Variants in CCDC178 observed in about 807,000 individuals in gnomAD.
The protein encoded by CCDC178 is coiled-coil domain-containing protein 178.
Under a neutral mutation model 117.4 loss-of-function variants are expected in CCDC178, and 126 were observed. The observed-to-expected ratio is 1.07, with a 90% CI of 0.93 to 1.24. The LOEUF (loss-of-function observed/expected upper bound fraction) is 1.24, where lower values mean the gene tolerates loss of function less well. Ranked by LOEUF, CCDC178 falls within the 50% of genes most tolerant of loss-of-function variation. CCDC178 has a pLI of 0.00. For synonymous variants in CCDC178, 283 were observed against 313.4 expected (o/e 0.90, Z 1.02); for missense variants, 1,030 against 986.9 (o/e 1.04, Z -0.59).
intron 20 of CCDC178, among the ~76,000 whole-genome samples, chr18:33,128,753 A>G (rs908393189): frequency 2.0e-5 from 3 of 152,226 alleles, no homozygotes; most frequent in African/African-American, 7.2e-5. Context: ...TCAGTGACTA[A>G]CATTTTACCC....
chr18:33,133,287 ATAT>A (rs1441088609), intron 20 of CCDC178, among the ~76,000 whole-genome samples: 3 of 151,890 alleles, frequency 2.0e-5, no homozygotes, highest in Admixed American at 6.6e-5. Flanking sequence ...AATATAAAGA[ATAT>A]TATTAATCTT....
chr18:32,938,406 A>G (rs1450972303), intron 22 of CCDC178: 1 of 208,342 alleles, frequency 4.8e-6, no homozygotes, highest in Non-Finnish European at 9.5e-6. Context: ...ATTTTAGGCA[A>G]ATTTGTCACA....
chr18:33,225,888 G>A (rs897722428), intron 16 of CCDC178, among the ~76,000 whole-genome samples: 2 of 152,048 alleles, frequency 1.3e-5, no homozygotes, highest in African/African-American at 2.4e-5. Flanking sequence ...AGGGCCGGGC[G>A]TGGTGGCTCA....
At position 32,953,234 on chromosome 18, in the gene CCDC178, G is replaced by A. The variant is rs181446225; in HGVS notation, c.2524-15143C>T. On this transcript the variant is annotated intron_variant, in intron 22 of 22. Coordinates refer to ENST00000383096, the MANE Select transcript of CCDC178 (RefSeq NM_001105528.4). ...CTCTTTGCTAACGCATAACAAGAGC[G>A]ACCTTTGCACTAGTTCCTAACAAGT... Among the ~76,000 whole-genome samples, 510 of 152,300 alleles carry A rather than the reference G, an allele frequency of 3.3e-3. 4 individuals carry two copies. The highest frequency in any genetic ancestry group is 5.6e-3 in the Non-Finnish European group (382 of 68,028).
At chr18:33,016,636 T>C (rs2055997929) in intron 21 of CCDC178, among the ~76,000 whole-genome samples, 1 of 151,958 alleles carries the variant, frequency 6.6e-6, no homozygotes, top group African/African-American at 2.4e-5. Flanking sequence ...GGGAGGGGGA[T>C]CAGAGCTTTA....
intron 22 of CCDC178, among the ~76,000 whole-genome samples, chr18:32,962,835 A>G (rs989101644): frequency 2.0e-5 from 3 of 152,062 alleles, no homozygotes; most frequent in Non-Finnish European, 2.9e-5. Flanking sequence ...CACCATCGGC[A>G]GATAATAAAT....
chr18:33,236,892 C>A (rs747005513), intron 15 of CCDC178, among the ~76,000 whole-genome samples: 5 of 152,154 alleles, frequency 3.3e-5, no homozygotes, highest in Non-Finnish European at 4.4e-5. Flanking sequence ...AACAGAGGAA[C>A]CTCATCAGCC....
chr18:33,294,945 A>G (rs896539182), intron 11 of CCDC178, among the ~76,000 whole-genome samples: 4 of 152,152 alleles, frequency 2.6e-5, no homozygotes, highest in African/African-American at 9.6e-5. Flanking sequence ...TTCCCAGAAA[A>G]GCAGTTTATA....
intron 11 of CCDC178, among the ~76,000 whole-genome samples, chr18:33,309,261 C>T (rs1396967644): frequency 6.6e-6 from 1 of 151,436 alleles, no homozygotes; most frequent in Non-Finnish European, 1.5e-5. Context: ...GTAAAAATAC[C>T]CATGTATTTA....
intron 14 of CCDC178, among the ~76,000 whole-genome samples, chr18:33,263,547 TAAG>T (rs1316903255): frequency 6.6e-6 from 1 of 152,120 alleles, no homozygotes; most frequent in Non-Finnish European, 1.5e-5. Flanking sequence ...AGTTATTTAG[TAAG>T]AAGGAAAAAA....
intron 14 of CCDC178, among the ~76,000 whole-genome samples, chr18:33,248,880 C>A (rs950431661): frequency 6.6e-6 from 1 of 152,008 alleles, no homozygotes; most frequent in African/African-American, 2.4e-5. Context: ...TACAGTCCCA[C>A]CAACAGTGTA....
At chr18:33,178,682 T>C (rs575944914) in intron 20 of CCDC178, among the ~76,000 whole-genome samples, 16 of 152,220 alleles carry the variant, frequency 1.1e-4, no homozygotes, top group Non-Finnish European at 1.9e-4. Flanking sequence ...ATAAACCATG[T>C]TTTCAATTGC....
chr18:32,991,073 A>G (rs1419292328), intron 21 of CCDC178, among the ~76,000 whole-genome samples: 1 of 151,912 alleles, frequency 6.6e-6, no homozygotes, highest in Admixed American at 6.6e-5. Flanking sequence ...GGCATGGTGC[A>G]AAATATTTTA....
At chr18:33,061,789 G>C (rs2056925444) in intron 21 of CCDC178, among the ~76,000 whole-genome samples, 1 of 151,644 alleles carries the variant, frequency 6.6e-6, no homozygotes, top group Non-Finnish European at 1.5e-5. Flanking sequence ...CTGCTGATGT[G>C]TTTTTTTTCA....
At chr18:33,256,237 T>C (rs757662894) in intron 14 of CCDC178, among the ~76,000 whole-genome samples, 4 of 152,036 alleles carry the variant, frequency 2.6e-5, no homozygotes, top group Non-Finnish European at 5.9e-5. Context: ...AAAGCAAACC[T>C]TTCATTTTAT....
chr18:33,133,872 A>G (rs1229486860), intron 20 of CCDC178, among the ~76,000 whole-genome samples: 1 of 152,010 alleles, frequency 6.6e-6, no homozygotes, highest in East Asian at 1.9e-4. Context: ...AAGTAAGTAG[A>G]TATCATATAA....
At chr18:33,158,802 C>T (rs1032051813) in intron 20 of CCDC178, among the ~76,000 whole-genome samples, 1 of 151,902 alleles carries the variant, frequency 6.6e-6, no homozygotes, top group Non-Finnish European at 1.5e-5. Context: ...AGAATTTTTT[C>T]CAAGTTATTG....
At chr18:32,954,053 C>A (rs907264139) in intron 22 of CCDC178, 2 of 152,042 alleles carry the variant, frequency 1.3e-5, no homozygotes, top group Non-Finnish European at 2.9e-5. Flanking sequence ...AATACGGTGT[C>A]CCTACTTGCC....
At chr18:33,360,006 C>T (rs1337551596) in intron 6 of CCDC178, among the ~76,000 whole-genome samples, 1 of 150,844 alleles carries the variant, frequency 6.6e-6, no homozygotes, top group Non-Finnish European at 1.5e-5. Context: ...TTCATGAAAC[C>T]TTCTATTTTC....
Sources: gnomAD v4.1 joint callset for allele counts (sites outside exome capture counted in the v4.1 genomes callset) on GRCh38, gnomAD v4.1.1 for gene constraint, MANE v1.5 for transcripts, NCBI Gene and HGNC (gene_info 2026-07-23, HGNC 2026-07-21) for gene names.